The following TENM2 variants were observed in gnomAD, a reference collection of about 807,000 sequenced individuals.
TENM2 encodes the protein teneurin-2.
TENM2 carries 52 observed loss-of-function variants against 245.2 expected under a neutral mutation model. The observed-to-expected ratio is 0.21, with a 90% CI of 0.17 to 0.27. The LOEUF is 0.27. TENM2 is among the 10% of genes least tolerant of loss of function. The pLI is 1.00. For synonymous variants in TENM2, 1,363 were observed against 1,438.9 expected (o/e 0.95, Z 1.19); for missense variants, 3,046 against 3,666.8 (o/e 0.83, Z 4.37).
At chr5:167,518,640 G>T (rs1332845270) in intron 2 of TENM2, among the ~76,000 whole-genome samples, 1 of 152,104 alleles carries the variant, frequency 6.6e-6, no homozygotes, top group Non-Finnish European at 1.5e-5. Flanking sequence ...GCATGTTCCT[G>T]GCAGTATCAT....
chr5:168,223,502 T>C (rs1763856763), intron 23 of TENM2, among the ~76,000 whole-genome samples: 1 of 148,786 alleles, frequency 6.7e-6, no homozygotes, highest in Admixed American at 6.7e-5. Context: ...GGAGTCTTGC[T>C]CTGTCGCCAG....
rs532202368 is a variant in TENM2, at chr5:168,247,773, C to T, written c.6834C>T (p.Phe2278=). 48 of 1,613,926 alleles carry T rather than the reference C, an allele frequency of 3.0e-5. 1 individual carries two copies. Among genetic ancestry groups the T allele is most frequent in the Middle Eastern group, 1.6e-4 (1 of 6,062 alleles). Residue 2278 remains phenylalanine (F), a synonymous_variant, in exon 27 of 29, where the codon TTC becomes TTT. Coordinates refer to ENST00000518659, the Ensembl canonical transcript of TENM2. The surrounding 1 kb of genome is among the most constrained non-coding windows in gnomAD (Gnocchi z 7.8). ...TGTGCCAGAGAGGGTCTGACATCTT[C>T]GAATACAATTCCAAGGGCCTCCTAA...
chr5:167,845,057 A>T (rs141433638), intron 2 of TENM2, among the ~76,000 whole-genome samples: 326 of 152,044 alleles, frequency 2.1e-3, no homozygotes, highest in African/African-American at 7.5e-3. Flanking sequence ...TGCCAAGGAG[A>T]CCCATCCAGA....
chr5:168,260,529 A>AAGGTGCAG, intron 28 of TENM2, 116 bp downstream of exon 30: 1 of 1,235,056 alleles, frequency 8.1e-7, no homozygotes, highest in Non-Finnish European at 1.1e-6. Flanking sequence ...CTGGGTATAA[A>AAGGTGCAG]AGGTGCAGGA....
chr5:168,118,511 G>C (rs770499931), intron 10 of TENM2, 25 bp downstream of exon 12: 3 of 1,485,444 alleles, frequency 2.0e-6, no homozygotes, highest in Non-Finnish European at 2.7e-6. Context: ...CCCGGGGCTA[G>C]GCAGCAGTGG....
intron 2 of TENM2, among the ~76,000 whole-genome samples, chr5:167,851,308 A>G (rs768096082): frequency 1.3e-5 from 2 of 152,206 alleles, no homozygotes; most frequent in Non-Finnish European, 2.9e-5. Context: ...GAAAAGCTAG[A>G]TTAATGCTTG....
the TENM2 span, among the ~76,000 whole-genome samples, chr5:167,167,517 T>C: frequency 6.6e-6 from 1 of 152,184 alleles, no homozygotes; most frequent in Non-Finnish European, 1.5e-5. Flanking sequence ...CTTTTAGAAA[T>C]GACTTTTGCC....
intron 2 of TENM2, among the ~76,000 whole-genome samples, chr5:167,595,880 TAAAG>T (rs1776170709): frequency 6.6e-6 from 1 of 152,060 alleles, no homozygotes; most frequent in Admixed American, 6.6e-5. Flanking sequence ...CCCCATAAAA[TAAAG>T]GAAGAAAAAC....
chr5:167,274,366 A>C, the TENM2 span, among the ~76,000 whole-genome samples: 1 of 152,092 alleles, frequency 6.6e-6, no homozygotes, highest in Non-Finnish European at 1.5e-5. Context: ...GCAGTATTTC[A>C]TGGCATGGGT....
At chr5:167,084,372 T>TGTATATATATATA in the TENM2 span, among the ~76,000 whole-genome samples, 1 of 121,970 alleles carries the variant, frequency 8.2e-6, no homozygotes, top group African/African-American at 3.0e-5. Flanking sequence ...TATATACAGA[T>TGTATATATATATA]CAGATTGAGA....
At chr5:167,709,016 C>A (rs987633138) in intron 2 of TENM2, among the ~76,000 whole-genome samples, 4 of 152,104 alleles carry the variant, frequency 2.6e-5, no homozygotes, top group African/African-American at 9.7e-5. Context: ...ACACAGATGC[C>A]TCAAACTGTC....
At chr5:167,083,658 G>A in the TENM2 span, among the ~76,000 whole-genome samples, 1 of 152,136 alleles carries the variant, frequency 6.6e-6, no homozygotes, top group Non-Finnish European at 1.5e-5. Flanking sequence ...TGATTCAAGA[G>A]GTCCAATGCG....
chr5:167,332,164 AT>A (rs1232086203), intron 1 of TENM2, among the ~76,000 whole-genome samples: 1 of 152,142 alleles, frequency 6.6e-6, no homozygotes, highest in Non-Finnish European at 1.5e-5. Context: ...CAGGAAAAAA[AT>A]TTGGGCGTTA....
At chr5:167,395,385 G>A (rs551293110) in intron 2 of TENM2, among the ~76,000 whole-genome samples, 2 of 152,100 alleles carry the variant, frequency 1.3e-5, no homozygotes, top group Non-Finnish European at 2.9e-5. Flanking sequence ...AGGTTGTGGG[G>A]TTGGGATATT....
In TENM2 at chr5:167,551,304, G is replaced by T. The variant is rs558282321; in HGVS notation, c.502+175831G>T. Reference sequence around the variant, plus strand: ...AGCGGTGAACAAGAAATACAAGATTGCTGTTGTCAGTGCACTCACTTTCCC... The same window carrying T: ...AGCGGTGAACAAGAAATACAAGATTTCTGTTGTCAGTGCACTCACTTTCCC... On this transcript the variant is annotated intron_variant, in intron 2 of 28. Transcript: ENST00000518659. Among the ~76,000 whole-genome samples the T allele has an allele frequency of 4.6e-5, 7 of 152,230 alleles. 1 individual carries two copies. The South Asian group carries it at 1.5e-3, about 32-fold the overall frequency.
intron 3 of TENM2, among the ~76,000 whole-genome samples, chr5:167,909,067 TC>T (rs1380028290): frequency 7.1e-6 from 1 of 140,932 alleles, no homozygotes; most frequent in African/African-American, 2.6e-5. Context: ...CTTTTCTCTC[TC>T]TTTTTTTTTT....
At chr5:167,342,494 C>T (rs1486487086) in intron 1 of TENM2, among the ~76,000 whole-genome samples, 1 of 135,574 alleles carries the variant, frequency 7.4e-6, no homozygotes, top group Admixed American at 7.4e-5. Flanking sequence ...GGTTTCTCAA[C>T]TGTAAAGTTA....
intron 4 of TENM2, among the ~76,000 whole-genome samples, chr5:167,989,800 A>G (rs1466587625): frequency 4.6e-5 from 7 of 152,170 alleles, no homozygotes; most frequent in African/African-American, 1.4e-4. Context: ...GAGTAAAGGA[A>G]GTCCAGGAGG....
intron 25 of TENM2, among the ~76,000 whole-genome samples, chr5:168,233,818 C>T (rs1765165407): frequency 6.6e-6 from 1 of 152,188 alleles, no homozygotes; most frequent in African/African-American, 2.4e-5. Context: ...GCACTTCTTA[C>T]TTGACGGCAT....
Sources: allele counts gnomAD v4.1 joint callset (sites outside exome capture counted in the v4.1 genomes callset), GRCh38; gene constraint gnomAD v4.1.1; non-coding constraint Gnocchi (gnomAD v3.1); transcripts MANE v1.5; gene names NCBI Gene and HGNC (gene_info 2026-07-23, HGNC 2026-07-21).